Variants in EGFR observed in about 807,000 individuals in gnomAD.
EGFR encodes the protein epidermal growth factor receptor.
A neutral mutation model predicts 143.0 loss-of-function variants in EGFR; 58 were observed. That is an observed-to-expected ratio of 0.41 (90% CI 0.33 to 0.50). The LOEUF is 0.50. EGFR is among the 20% of genes least tolerant of loss of function. EGFR has a pLI of 0.39. For synonymous variants in EGFR, 613 were observed against 594.4 expected (o/e 1.03, Z -0.45); for missense variants, 1,307 against 1,579.0 (o/e 0.83, Z 2.92).
chr7:55,200,906 C>T (rs1266592419), intron 24 of EGFR: 7 of 540,726 alleles, frequency 1.3e-5, no homozygotes, highest in South Asian at 4.1e-5. Flanking sequence ...GGTGCACACT[C>T]GATGAATGCT....
chr7:55,036,992 C>G (rs1787622520), intron 1 of EGFR, among the ~76,000 whole-genome samples: 1 of 152,156 alleles, frequency 6.6e-6, no homozygotes, highest in African/African-American at 2.4e-5. Flanking sequence ...AAATCAACCC[C>G]TTGGTGAAGG....
rs1788190686 is a variant in EGFR at position 55,209,595 on chromosome 7, A to G, written c.*3978A>G. ...GATAAGCACACACTTTTATTGCAACATAATGATCTGCTCACATTTCCTTGC... is the reference window on the plus strand; with the variant it reads ...GATAAGCACACACTTTTATTGCAACGTAATGATCTGCTCACATTTCCTTGC... On this transcript the variant is annotated 3_prime_UTR_variant, in exon 28 of 28. Transcript: ENST00000275493. The G allele has an allele frequency of 6.6e-6, 1 of 152,216 alleles. No homozygotes were observed. Among genetic ancestry groups the G allele is most frequent in the Admixed American group, 6.5e-5 (1 of 15,280 alleles). The allele number at this position is 152,216 out of a possible 1,614,324, so 9.4% of individuals were successfully genotyped here.
chr7:55,157,100 C>A (rs1190543270), intron 10 of EGFR: 1 of 770,012 alleles, frequency 1.3e-6, no homozygotes, highest in Non-Finnish European at 1.9e-6. Context: ...TGGCCCATAA[C>A]CCCTGAGGGT....
intron 1 of EGFR, among the ~76,000 whole-genome samples, chr7:55,031,040 A>G (rs1309095067): frequency 1.3e-5 from 2 of 152,246 alleles, no homozygotes; most frequent in Non-Finnish European, 2.9e-5. Context: ...TTCCTAACAT[A>G]GTGGAAACTT....
Position 55,023,223 on chromosome 7 carries a change from T to C in EGFR, c.88+3858T>C, listed in dbSNP as rs534484933. On this transcript the variant is annotated intron_variant, in intron 1 of 27. Transcript: ENST00000275493. ...TGTCTGTGTGTGCGTGTTTTAATTT[T>C]GACTTCATAAGTACTCTAGTTATGA... Among the ~76,000 whole-genome samples the C allele has an allele frequency of 8.5e-5, 13 of 152,358 alleles. No homozygotes were observed. In the South Asian group the frequency reaches 2.5e-3, roughly 29 times the overall value.
intron 20 of EGFR, among the ~76,000 whole-genome samples, chr7:55,189,360 C>T (rs774705114): frequency 1.2e-4 from 18 of 151,970 alleles, no homozygotes; most frequent in African/African-American, 2.9e-4. Context: ...TCTGCACGGA[C>T]GTGTGTGAAA....
At chr7:55,157,591 C>T in intron 10 of EGFR, 72 bp from the exon 11 acceptor site, 1 of 1,247,422 alleles carries the variant, frequency 8.0e-7, no homozygotes, top group South Asian at 1.2e-5. Flanking sequence ...CCCTGAGAGT[C>T]TAGAGTAATG....
intron 7 of EGFR, among the ~76,000 whole-genome samples, chr7:55,155,324 C>A (rs1309889200): frequency 6.6e-6 from 1 of 152,234 alleles, no homozygotes; most frequent in African/African-American, 2.4e-5. Context: ...CGCCTGTAAT[C>A]ACAGCCGCTC....
chr7:55,140,471 C>T (rs1445086837), intron 1 of EGFR, among the ~76,000 whole-genome samples: 2 of 152,166 alleles, frequency 1.3e-5, no homozygotes, highest in East Asian at 3.8e-4. Context: ...AGCTTTTATT[C>T]CAAGGTGTGC....
chr7:55,030,333 T>C (rs1015323546), intron 1 of EGFR, among the ~76,000 whole-genome samples: 8 of 152,230 alleles, frequency 5.3e-5, no homozygotes, highest in African/African-American at 1.9e-4. Flanking sequence ...ACAATTTCTG[T>C]ATATTTCTGT....
At chr7:55,023,046 C>A (rs1403835948) in intron 1 of EGFR, among the ~76,000 whole-genome samples, 1 of 152,180 alleles carries the variant, frequency 6.6e-6, no homozygotes. Context: ...ATATTAAAGG[C>A]AATTGATGAT....
Position 55,152,671 on chromosome 7 carries a change from T to C in EGFR, c.747+7T>C, listed in dbSNP as rs2128933922. ...CCGGGAGAGCGACTGCCTGGTAAGA[T>C]GCCCCTCCAGCAGCCTCCCTGGAGC... On this transcript the variant is annotated splice_region_variant and intron_variant, in intron 6 of 27. Coordinates refer to ENST00000275493, the MANE Select transcript of EGFR (RefSeq NM_005228.5). 3 of 1,612,630 alleles carry C rather than the reference T, an allele frequency of 1.9e-6. No homozygotes were observed. Among genetic ancestry groups the C allele is most frequent in the Non-Finnish European group, 2.5e-6 (3 of 1,179,418 alleles).
chr7:55,198,707 A>T lies in EGFR; in HGVS notation c.2702-10A>T, dbSNP rs1462284861. Reference sequence around the variant, plus strand: ...TCCCACTGCCTTCTTTTCTTGCTTCATCCTCTCAGGGGTGACTGTTTGGGA... The same window carrying T: ...TCCCACTGCCTTCTTTTCTTGCTTCTTCCTCTCAGGGGTGACTGTTTGGGA... On this transcript the variant is annotated splice_polypyrimidine_tract_variant and intron_variant, in intron 22 of 27. Coordinates refer to ENST00000275493, the MANE Select transcript of EGFR (RefSeq NM_005228.5). 1 of 1,614,194 alleles carries T rather than the reference A, an allele frequency of 6.2e-7. No individual in the cohort carries two copies.
rs1257022144 is a variant in EGFR at position 55,049,707 on chromosome 7, C to T, written c.88+30342C>T. ...TATTGCAGGAACAGCCAATGAGGGG[C>T]TGGCTGTGCTCTTTTATTTATAAAA... On this transcript the variant is annotated intron_variant, in intron 1 of 27. Coordinates refer to ENST00000275493, the MANE Select transcript of EGFR (RefSeq NM_005228.5). 3.3e-5 allele frequency among the ~76,000 whole-genome samples: 5 copies of T among 152,186 alleles called. 1 individual carries two copies. The highest frequency in any genetic ancestry group is 7.3e-5 in the Non-Finnish European group (5 of 68,042).
chr7:55,096,035 T>A (rs964191462), intron 1 of EGFR, among the ~76,000 whole-genome samples: 1 of 151,992 alleles, frequency 6.6e-6, no homozygotes, highest in African/African-American at 2.4e-5. Context: ...AAGGTAATAT[T>A]AGCTAGTTCA....
At chr7:55,190,202 C>T (rs930841146) in intron 20 of EGFR, among the ~76,000 whole-genome samples, 1 of 152,126 alleles carries the variant, frequency 6.6e-6, no homozygotes, top group Non-Finnish European at 1.5e-5. Context: ...CAGAGAAGAA[C>T]CTGCTCATTT....
At chr7:55,046,479 A>C (rs1223161249) in intron 1 of EGFR, among the ~76,000 whole-genome samples, 2 of 151,874 alleles carry the variant, frequency 1.3e-5, no homozygotes, top group Admixed American at 6.6e-5. Flanking sequence ...GCTGCCCTTC[A>C]TGGCTCTGGG....
At chr7:55,191,660 G>A (rs2128964223) in intron 20 of EGFR, 59 bp from the exon 21 acceptor site, 1 of 1,609,350 alleles carries the variant, frequency 6.2e-7, no homozygotes, top group South Asian at 1.1e-5. Flanking sequence ...CCTGAATTCG[G>A]ATGCAGAGCT....
rs1253799071 is a variant in EGFR at position 55,051,996 on chromosome 7, G to A, written c.88+32631G>A. Among the ~76,000 whole-genome samples the A allele has an allele frequency of 3.9e-5, 6 of 152,246 alleles. No individual in the cohort carries two copies. The East Asian group carries it at 7.7e-4, about 20-fold the overall frequency. On this transcript the variant is annotated intron_variant, in intron 1 of 27. Coordinates refer to ENST00000275493, the MANE Select transcript of EGFR (RefSeq NM_005228.5). Reference sequence around the variant, plus strand: ...CTCCAGGAGGGCAGAGTTCTTCTTCGCTTCCTTCACCCATGTGCCCACTGA... The same window carrying A: ...CTCCAGGAGGGCAGAGTTCTTCTTCACTTCCTTCACCCATGTGCCCACTGA...
Sources: gnomAD v4.1 joint callset for allele counts (sites outside exome capture counted in the v4.1 genomes callset) on GRCh38, gnomAD v4.1.1 for gene constraint, MANE v1.5 for transcripts, NCBI Gene and HGNC (gene_info 2026-07-23, HGNC 2026-07-21) for gene names.